The following EPB41 variants were observed in gnomAD, a reference collection of about 807,000 sequenced individuals.
EPB41 encodes the protein erythrocyte membrane protein band 4.1.
EPB41 carries 65 observed loss-of-function variants against 108.0 expected under a neutral mutation model. The observed-to-expected ratio is 0.60, with a 90% CI of 0.49 to 0.74. The LOEUF is 0.74. Among genes scored for constraint, EPB41 ranks in the 30% least tolerant of loss-of-function variants. The pLI, the probability that EPB41 is intolerant of heterozygous loss-of-function variation, is 0.00. For synonymous variants in EPB41, 336 were observed against 358.9 expected (o/e 0.94, Z 0.72); for missense variants, 875 against 1,037.0 (o/e 0.84, Z 2.15).
At chr1:29,080,097 A>ATTATTTAT (rs33953606) in intron 16 of EPB41, among the ~76,000 whole-genome samples, 21,332 of 145,564 alleles carry the variant, frequency 0.15, 2,058 homozygotes, top group East Asian at 0.36. Context: ...ATAAAGCAAC[A>ATTATTTAT]TTATTTATTT....
rs898038331 is a variant in EPB41 at position 28,887,232 on chromosome 1, G to A, written c.-8+22G>A. 2.3e-6 allele frequency: 3 copies of A among 1,280,468 alleles called. No individual in the cohort carries two copies. Among genetic ancestry groups the A allele is most frequent in the African/African-American group, 3.1e-5 (2 of 65,456 alleles). 79.3% of individuals were successfully genotyped at this position (1,280,468 alleles called of 1,614,324 possible). A position where few individuals can be genotyped will look rare whatever the true frequency, so the allele number is the denominator to read the frequency against. ...CCAGGTGAGCCTGGACCACCTGGGG[G>A]GCGACCCTCGGTCCCCGGGAGGGAC... On this transcript the variant is annotated intron_variant, in intron 1 of 16. Coordinates refer to the EPB41 transcript ENST00000347529. This position sits in a 1 kb window ranked among gnomAD's most constrained non-coding sequence, Gnocchi z 4.9.
chr1:28,928,840 C>T (rs1352934472), intron 1 of EPB41, among the ~76,000 whole-genome samples: 1 of 152,066 alleles, frequency 6.6e-6, no homozygotes, highest in African/African-American at 2.4e-5. Context: ...TATAGAAGAA[C>T]TAGGTTACTG....
In EPB41 at chr1:28,887,996, G is replaced by T. The variant is rs1239460437; in HGVS notation, c.-8+786G>T. Among the ~76,000 whole-genome samples the T allele has an allele frequency of 6.6e-6, 1 of 152,120 alleles. No homozygotes were observed. The highest frequency in any genetic ancestry group is 6.5e-5 in the Admixed American group (1 of 15,280). ...TGTCTCGCCCTCACCTACACTTCCCGGCAGGCCCCACCTCTTCAGGGTGGG... is the reference window on the plus strand; with the variant it reads ...TGTCTCGCCCTCACCTACACTTCCCTGCAGGCCCCACCTCTTCAGGGTGGG... On this transcript the variant is annotated intron_variant, in intron 1 of 16. Transcript: ENST00000347529. This position sits in a 1 kb window ranked among gnomAD's most constrained non-coding sequence, Gnocchi z 4.9.
upstream of EPB41, chr1:28,914,531 C>CGGCG (rs2092435125): frequency 6.7e-6 from 1 of 150,014 alleles, no homozygotes; most frequent in African/African-American, 2.5e-5. Flanking sequence ...GGGCGCGGGC[C>CGGCG]GGCGGGCGGG....
intron 17 of EPB41, among the ~76,000 whole-genome samples, chr1:29,109,072 C>T (rs1446426532): frequency 6.6e-6 from 1 of 151,806 alleles, no homozygotes; most frequent in Non-Finnish European, 1.5e-5. Context: ...GTGGTGCATG[C>T]CTGTAATCCC....
chr1:28,961,946 T>C (rs1425427206), intron 1 of EPB41, among the ~76,000 whole-genome samples: 2 of 152,152 alleles, frequency 1.3e-5, no homozygotes. Context: ...GTAATTTTAG[T>C]GTATTTGCCG....
chr1:28,896,849 G>A (rs1050978386), intron 1 of EPB41, among the ~76,000 whole-genome samples: 8 of 152,120 alleles, frequency 5.3e-5, no homozygotes, highest in Non-Finnish European at 1.2e-4. Flanking sequence ...CTGTTTAGGA[G>A]GCAGAGCCAG....
chr1:29,110,149 A>C (rs1041915480), intron 18 of EPB41, among the ~76,000 whole-genome samples: 1 of 151,218 alleles, frequency 6.6e-6, no homozygotes, highest in Non-Finnish European at 1.5e-5. Context: ...TAGCCTTGGC[A>C]ACATAGTGAA....
rs1204287566 is a variant in EPB41 at position 29,115,123 on chromosome 1, T to C, written c.2497-576T>C. On this transcript the variant is annotated intron_variant, in intron 19 of 20. Transcript: ENST00000343067. The surrounding 1 kb of genome is among the most constrained non-coding windows in gnomAD (Gnocchi z 4.4). ...AATAGATAATATAGGCCAGGTGCAG[T>C]GGCTCACACCTGTCATCCCAGCACT... Among the ~76,000 whole-genome samples the C allele has an allele frequency of 6.6e-6, 1 of 152,188 alleles. No individual in the cohort carries two copies. The highest frequency in any genetic ancestry group is 2.4e-5 in the African/African-American group (1 of 41,456).
At chr1:29,082,044 T>A (rs1036572398) in intron 16 of EPB41, among the ~76,000 whole-genome samples, 1 of 152,222 alleles carries the variant, frequency 6.6e-6, no homozygotes, top group African/African-American at 2.4e-5. Flanking sequence ...TAGTTAATAT[T>A]CAATAATAAT....
chr1:28,912,767 G>A (rs923624455), upstream of EPB41, among the ~76,000 whole-genome samples: 1 of 151,484 alleles, frequency 6.6e-6, no homozygotes, highest in Non-Finnish European at 1.5e-5. Flanking sequence ...ACAGGTGCCT[G>A]CCACCAGGCC....
intron 1 of EPB41, among the ~76,000 whole-genome samples, chr1:28,904,103 G>A (rs2091559011): frequency 6.6e-6 from 1 of 151,262 alleles, no homozygotes; most frequent in African/African-American, 2.4e-5. Flanking sequence ...CTGACCTTGT[G>A]ATCCATCTGC....
At chr1:29,113,422 A>G (rs1669865004) in intron 19 of EPB41, among the ~76,000 whole-genome samples, 3 of 152,236 alleles carry the variant, frequency 2.0e-5, no homozygotes, top group Admixed American at 2.0e-4. Context: ...AGCTGAGAAT[A>G]GTGGACACAG....
At chr1:28,923,610 A>G (rs1419636422) in intron 1 of EPB41, among the ~76,000 whole-genome samples, 1 of 151,960 alleles carries the variant, frequency 6.6e-6, no homozygotes, top group African/African-American at 2.4e-5. Flanking sequence ...TCCAGATGCT[A>G]TTTTTGTTGA....
chr1:29,020,812 C>T (rs1489607632), intron 7 of EPB41, among the ~76,000 whole-genome samples: 1 of 152,020 alleles, frequency 6.6e-6, no homozygotes, highest in Admixed American at 6.6e-5. Flanking sequence ...TGTGTGCTAC[C>T]ATGCCCAGCT....
rs762682968 is a variant in EPB41, at chr1:29,112,396, G to A, written c.2444G>A (p.Arg815His). ...KTVKGGISET[R>H]IEKRIVITGD... ...GTAAAAGGTGGGATTTCAGAGACAC[G>A]TATTGAAAAGAGAATTGTGATCACA... Residue 815 changes from arginine (R) to histidine (H), a missense_variant, in exon 19 of 21, where the codon CGT (arginine) becomes CAT (histidine). Around this residue, in one of 3 missense-constraint regions of EPB41, gnomAD observed 519 missense variants for 627.3 expected, o/e 0.83. Transcript: ENST00000343067. The A allele has an allele frequency of 2.3e-5, 37 of 1,613,592 alleles. No homozygotes were observed. The highest frequency in any genetic ancestry group is 9.4e-5 in the African/African-American group (7 of 74,812).
At chr1:28,911,160 C>T (rs1045600267), upstream of EPB41, 2 of 985,272 alleles carry the variant, frequency 2.0e-6, no homozygotes, top group Non-Finnish European at 2.4e-6. Context: ...CCACATCTTC[C>T]TATGTGATAG....
At chr1:28,997,352 CA>C in intron 4 of EPB41, 33 bp downstream of exon 4, 2 of 1,305,596 alleles carry the variant, frequency 1.5e-6, no homozygotes, top group Non-Finnish European at 2.2e-6. Context: ...AAGAAGCTGA[CA>C]AAAAATTTAT....
rs568484920 is a variant in EPB41, at chr1:29,041,640, G to A, written c.1636+2214G>A. On this transcript the variant is annotated intron_variant, in intron 11 of 20. Transcript: ENST00000343067. ...GCATATATAGTGTGCAGAGTGGGAC[G>A]CCGTCTCAAAAAAAAAAAAGAAGCT... Among the ~76,000 whole-genome samples the A allele has an allele frequency of 4.6e-5, 7 of 150,978 alleles. No homozygotes were observed. The South Asian group carries it at 1.3e-3, about 27-fold the overall frequency.
Sources: gnomAD v4.1 joint callset for allele counts (sites outside exome capture counted in the v4.1 genomes callset) on GRCh38, gnomAD v4.1.1 for gene constraint, gnomAD v4.1.1 regional missense constraint, Gnocchi (gnomAD v3.1) non-coding constraint, MANE v1.5 for transcripts, NCBI Gene and HGNC (gene_info 2026-07-23, HGNC 2026-07-21) for gene names.